Variants in TBPL2 observed in about 807,000 individuals in gnomAD.
The protein encoded by TBPL2 is TATA box-binding protein-like 2.
A neutral mutation model predicts 38.2 loss-of-function variants in TBPL2; 40 were observed. That is an observed-to-expected ratio of 1.05 (90% CI 0.81 to 1.36). The LOEUF is 1.36. Among genes scored for constraint, TBPL2 ranks in the 40% most tolerant of loss-of-function variants. The pLI is 0.00. For synonymous variants in TBPL2, 169 were observed against 171.7 expected (o/e 0.98, Z 0.12); for missense variants, 461 against 456.7 (o/e 1.01, Z -0.09).
intron 5 of TBPL2, among the ~76,000 whole-genome samples, chr14:55,425,744 A>G (rs1197708344): frequency 6.6e-6 from 1 of 152,218 alleles, no homozygotes; most frequent in Non-Finnish European, 1.5e-5. Context: ...CAATTACATT[A>G]AAGACCCTGC....
In TBPL2 at chr14:55,436,539, TAAAAC is replaced by T; in HGVS notation, c.608+17_608+21del. 1.2e-6 allele frequency: 2 copies of T among 1,604,056 alleles called. No individual in the cohort carries two copies. Among genetic ancestry groups the T allele is most frequent in the Non-Finnish European group, 8.5e-7 (1 of 1,171,564 alleles). ...AAAATGTGTACCCAATGTGCTCAAT[TAAAAC>T]AAAAATAAAAACTTACTGTAGTTGA... On this transcript the variant is annotated intron_variant, in intron 2 of 6. Transcript: ENST00000247219.
chr14:55,439,071 G>A (rs1437701279), intron 1 of TBPL2, among the ~76,000 whole-genome samples: 1 of 151,700 alleles, frequency 6.6e-6, no homozygotes, highest in East Asian at 1.9e-4. Context: ...CCGAGTAGCT[G>A]GGACTACAGG....
intron 4 of TBPL2, among the ~76,000 whole-genome samples, chr14:55,432,425 A>C (rs1885944674): frequency 6.9e-6 from 1 of 145,560 alleles, no homozygotes; most frequent in African/African-American, 2.6e-5. Context: ...AAAAAAAAAA[A>C]CAACAAATAA....
exon 2 of TBPL2, chr14:55,436,640 A>G: frequency 6.2e-7 from 1 of 1,614,186 alleles, no homozygotes; most frequent in Non-Finnish European, 8.5e-7. Context: ...AGAGACAAGG[A>G]GTCGGAGTTT....
At chr14:55,420,157 G>A (rs921829427) in intron 6 of TBPL2, among the ~76,000 whole-genome samples, 10 of 152,102 alleles carry the variant, frequency 6.6e-5, no homozygotes, top group African/African-American at 2.2e-4. Context: ...TGCAACTTCC[G>A]CCTCCCAGGT....
chr14:55,430,366 C>T (rs1885905750), intron 4 of TBPL2, among the ~76,000 whole-genome samples: 1 of 146,274 alleles, frequency 6.8e-6, no homozygotes, highest in Non-Finnish European at 1.5e-5. Context: ...ACATGTGTCA[C>T]CTCATTTAAT....
At chr14:55,428,385 T>C (rs1885867096) in intron 5 of TBPL2, among the ~76,000 whole-genome samples, 2 of 152,090 alleles carry the variant, frequency 1.3e-5, no homozygotes, top group Admixed American at 1.3e-4. Flanking sequence ...TGCCTCGGCC[T>C]CCCAACACAT....
chr14:55,431,723 T>C (rs1566593894), intron 4 of TBPL2, among the ~76,000 whole-genome samples: 1 of 152,224 alleles, frequency 6.6e-6, no homozygotes, highest in Non-Finnish European at 1.5e-5. Context: ...AATAAATGTA[T>C]CTGAGTACCG....
chr14:55,431,951 T>A (rs981375983), intron 4 of TBPL2, among the ~76,000 whole-genome samples: 22 of 152,134 alleles, frequency 1.4e-4, no homozygotes, highest in African/African-American at 4.8e-4. Flanking sequence ...CCAGCTATCC[T>A]TTTCCTATCA....
At chr14:55,439,500 A>G (rs61976568) in intron 1 of TBPL2, among the ~76,000 whole-genome samples, 92,400 of 150,052 alleles carry the variant, frequency 0.62, 28,627 homozygotes, top group African/African-American at 0.68. Flanking sequence ...CTTTAGAACC[A>G]GGCGGGGGGC....
chr14:55,427,046 C>T (rs1005373952), intron 5 of TBPL2, among the ~76,000 whole-genome samples: 10 of 152,142 alleles, frequency 6.6e-5, no homozygotes, highest in African/African-American at 1.9e-4. Flanking sequence ...TACACTAAGC[C>T]GATTCAGAGA....
intron 1 of TBPL2, among the ~76,000 whole-genome samples, chr14:55,438,604 G>C (rs1188048510): frequency 6.6e-6 from 1 of 152,148 alleles, no homozygotes; most frequent in African/African-American, 2.4e-5. Flanking sequence ...AGGGAACAAA[G>C]CTACACGTAC....
chr14:55,440,568 G>T, exon 1 of TBPL2: 1 of 1,569,986 alleles, frequency 6.4e-7, no homozygotes, highest in Non-Finnish European at 8.6e-7. Flanking sequence ...GGGCAGCGAG[G>T]CGGGGCGGCC....
intron 2 of TBPL2, among the ~76,000 whole-genome samples, chr14:55,436,201 C>T (rs976971649): frequency 5.3e-5 from 8 of 152,144 alleles, no homozygotes; most frequent in African/African-American, 1.9e-4. Context: ...ATAGAAATTA[C>T]AATTCTGAAT....
intron 5 of TBPL2, among the ~76,000 whole-genome samples, chr14:55,424,840 G>A (rs1429211648): frequency 6.6e-6 from 1 of 152,122 alleles, no homozygotes; most frequent in Non-Finnish European, 1.5e-5. Flanking sequence ...GCCACTCCAT[G>A]GAGCGAAAGA....
At chr14:55,436,781 G>A in exon 2 of TBPL2, 1 of 1,614,198 alleles carries the variant, frequency 6.2e-7, no homozygotes, top group Non-Finnish European at 8.5e-7. Flanking sequence ...CTACTTTGTG[G>A]ACTTTGGCTT....
chr14:55,431,124 A>T (rs1371631605), intron 4 of TBPL2, among the ~76,000 whole-genome samples: 4 of 152,148 alleles, frequency 2.6e-5, no homozygotes, highest in Non-Finnish European at 4.4e-5. Flanking sequence ...TATCCCTCAT[A>T]CTCTTGCTGT....
intron 6 of TBPL2, among the ~76,000 whole-genome samples, chr14:55,420,893 A>G (rs542268259): frequency 2.0e-5 from 3 of 152,134 alleles, no homozygotes; most frequent in African/African-American, 4.8e-5. Context: ...CCCCGTCTCT[A>G]CTAAAAATAC....
At chr14:55,427,621 A>G (rs1885845967) in intron 5 of TBPL2, among the ~76,000 whole-genome samples, 2 of 152,086 alleles carry the variant, frequency 1.3e-5, no homozygotes, top group African/African-American at 2.4e-5. Context: ...GCCCAGGTGT[A>G]TATCTTGGTG....
Sources: allele counts gnomAD v4.1 joint callset (sites outside exome capture counted in the v4.1 genomes callset), GRCh38; gene constraint gnomAD v4.1.1; transcripts MANE v1.5; gene names NCBI Gene and HGNC (gene_info 2026-07-23, HGNC 2026-07-21).